Variants in RAB38 observed in about 807,000 individuals in gnomAD.
RAB38 encodes the protein RAB38, member RAS oncogene family, also known as ras-related protein Rab-38.
A neutral mutation model predicts 18.4 loss-of-function variants in RAB38; 15 were observed. The observed-to-expected ratio is 0.82, with a 90% CI of 0.55 to 1.26. RAB38 has a LOEUF of 1.26. Among genes scored for constraint, RAB38 ranks in the 50% most tolerant of loss-of-function variants. The pLI, the probability that RAB38 is intolerant of heterozygous loss-of-function variation, is 0.00. For synonymous variants in RAB38, 101 were observed against 104.4 expected, an observed-to-expected ratio of 0.97 and a Z score of 0.20; for missense variants, 294 against 267.4, an observed-to-expected ratio of 1.10 and a Z score of -0.69.
chr11:88,004,872 A>G, the RAB38 span, among the ~76,000 whole-genome samples: 4 of 151,384 alleles, frequency 2.6e-5, no homozygotes, highest in African/African-American at 7.2e-5. Context: ...TAAATTTTAT[A>G]AAGTTTTATT....
At chr11:87,853,646 A>C in the RAB38 span, among the ~76,000 whole-genome samples, 2 of 137,042 alleles carry the variant, frequency 1.5e-5, no homozygotes, top group East Asian at 4.3e-4. Flanking sequence ...TGTTTGTGAT[A>C]TGGCAGTAGT....
At chr11:88,039,249 G>A in the RAB38 span, among the ~76,000 whole-genome samples, 1 of 151,988 alleles carries the variant, frequency 6.6e-6, no homozygotes, top group Non-Finnish European at 1.5e-5. Flanking sequence ...TTTAGAGACT[G>A]CTTGGAATTA....
chr11:87,808,371 C>T, the RAB38 span, among the ~76,000 whole-genome samples: 2 of 152,076 alleles, frequency 1.3e-5, no homozygotes, highest in East Asian at 3.9e-4. Flanking sequence ...AAATACTATT[C>T]CACCATAAAA....
At chr11:87,937,311 CAT>C in the RAB38 span, among the ~76,000 whole-genome samples, 4,903 of 81,592 alleles carry the variant, frequency 0.06, 120 homozygotes, top group Non-Finnish European at 0.076. Context: ...ACTTGGTCAT[CAT>C]ATATATATAT....
At chr11:87,826,578 T>A in the RAB38 span, among the ~76,000 whole-genome samples, 1 of 152,192 alleles carries the variant, frequency 6.6e-6, no homozygotes, top group African/African-American at 2.4e-5. Context: ...TAACATATAA[T>A]AATAAAATGA....
At chr11:87,935,403 C>T in the RAB38 span, among the ~76,000 whole-genome samples, 2 of 152,068 alleles carry the variant, frequency 1.3e-5, no homozygotes, top group African/African-American at 4.8e-5. Context: ...TCACCCCCAT[C>T]CTTTCTCATT....
chr11:88,025,869 T>C, the RAB38 span, among the ~76,000 whole-genome samples: 2 of 152,224 alleles, frequency 1.3e-5, no homozygotes, highest in Admixed American at 6.5e-5. Context: ...GGAAGCTCTT[T>C]CATTTAATTA....
At chr11:88,085,658 C>T in the RAB38 span, among the ~76,000 whole-genome samples, 1 of 151,874 alleles carries the variant, frequency 6.6e-6, no homozygotes, top group Non-Finnish European at 1.5e-5. Context: ...AGCCCACAGG[C>T]TAAATTCCCT....
intron 2 of RAB38, among the ~76,000 whole-genome samples, chr11:88,130,685 G>C (rs1942756279): frequency 1.3e-5 from 2 of 152,008 alleles, no homozygotes; most frequent in African/African-American, 4.8e-5. Context: ...GATTTGTATG[G>C]GCTCAAACTG....
the RAB38 span, among the ~76,000 whole-genome samples, chr11:88,048,470 C>T: frequency 6.6e-6 from 1 of 152,140 alleles, no homozygotes; most frequent in Non-Finnish European, 1.5e-5. Context: ...AAAGACACAC[C>T]TCACCAAGCC....
the RAB38 span, among the ~76,000 whole-genome samples, chr11:87,840,538 T>C: frequency 6.6e-6 from 1 of 152,218 alleles, no homozygotes; most frequent in Non-Finnish European, 1.5e-5. Flanking sequence ...CTCAGCATCC[T>C]AGTAGGAAAG....
chr11:87,919,753 T>G, the RAB38 span, among the ~76,000 whole-genome samples: 1 of 152,046 alleles, frequency 6.6e-6, no homozygotes, highest in African/African-American at 2.4e-5. Context: ...GATGGGAGAA[T>G]TTTTATTATT....
chr11:87,888,697 A>T, the RAB38 span, among the ~76,000 whole-genome samples: 1 of 151,958 alleles, frequency 6.6e-6, no homozygotes, highest in Non-Finnish European at 1.5e-5. Flanking sequence ...AACATGCAAG[A>T]AACCAGGTTT....
At chr11:87,816,583 T>C in the RAB38 span, 8 of 152,152 alleles carry the variant, frequency 5.3e-5, no homozygotes, top group East Asian at 1.5e-3. Context: ...TCTCTCTCTC[T>C]CCTCATTGTT....
At chr11:88,124,680 C>T (rs571524377) in intron 2 of RAB38, among the ~76,000 whole-genome samples, 9 of 152,242 alleles carry the variant, frequency 5.9e-5, no homozygotes, top group East Asian at 3.9e-4. Flanking sequence ...CGCAACCTCC[C>T]GGAGGCAGCA....
chr11:87,905,954 T>C, the RAB38 span, among the ~76,000 whole-genome samples: 1 of 151,986 alleles, frequency 6.6e-6, no homozygotes, highest in African/African-American at 2.4e-5. Context: ...TCTCTTCAGC[T>C]CAGATACCTG....
At chr11:87,822,467 A>G in the RAB38 span, among the ~76,000 whole-genome samples, 28 of 152,186 alleles carry the variant, frequency 1.8e-4, no homozygotes, top group Non-Finnish European at 3.4e-4. Flanking sequence ...AAGACTTCAA[A>G]CCATGTGTTG....
At chr11:88,164,427 A>G (rs1166793758) in intron 1 of RAB38, among the ~76,000 whole-genome samples, 2 of 151,990 alleles carry the variant, frequency 1.3e-5, no homozygotes, top group African/African-American at 4.8e-5. Flanking sequence ...TCTGTTTGAA[A>G]CTGGGGTTTG....
At chr11:87,898,602 T>C in the RAB38 span, among the ~76,000 whole-genome samples, 77 of 151,838 alleles carry the variant, frequency 5.1e-4, 2 homozygotes, top group East Asian at 0.013. Flanking sequence ...TAAATATGTG[T>C]TGAAGGACTA....
Sources: gnomAD v4.1 joint callset for allele counts (sites outside exome capture counted in the v4.1 genomes callset) on GRCh38, gnomAD v4.1.1 for gene constraint, MANE v1.5 for transcripts, NCBI Gene and HGNC (gene_info 2026-07-23, HGNC 2026-07-21) for gene names.